The following PKP4 variants were observed in gnomAD, a reference collection of about 807,000 sequenced individuals.
PKP4 encodes plakophilin 4.
Under a neutral mutation model 145.1 loss-of-function variants are expected in PKP4, and 90 were observed. That is an observed-to-expected ratio of 0.62 (90% confidence interval 0.52 to 0.74). PKP4 has a LOEUF of 0.74. Among genes scored for constraint, PKP4 ranks in the 30% least tolerant of loss-of-function variants. The pLI, the probability that PKP4 is intolerant of heterozygous loss-of-function variation, is 0.00. For missense variants in PKP4, 1,340 were observed against 1,482.7 expected, an observed-to-expected ratio of 0.90 and a Z score of 1.58; for synonymous variants, 563 against 577.2, an observed-to-expected ratio of 0.98 and a Z score of 0.35.
chr2:158,630,026 C>T (rs1323186325), intron 7 of PKP4, among the ~76,000 whole-genome samples: 1 of 152,210 alleles, frequency 6.6e-6, no homozygotes, highest in African/African-American at 2.4e-5. Context: ...GCCACCGTGC[C>T]TGGCCAATCT....
chr2:158,528,587 GTAAC>G (rs1201819900), intron 1 of PKP4, among the ~76,000 whole-genome samples: 3 of 123,534 alleles, frequency 2.4e-5, no homozygotes, highest in Admixed American at 2.0e-4. Context: ...GTATACATAT[GTAAC>G]TAACCTGCAC....
rs1463841377 is a variant in PKP4 at position 158,526,887 on chromosome 2, T to G, written c.-5-6293T>G. 1.7e-3 allele frequency among the ~76,000 whole-genome samples: 112 copies of G among 64,046 alleles called. 3 individuals carry two copies. Among genetic ancestry groups the G allele is most frequent in the African/African-American group, 5.3e-3 (76 of 14,244 alleles). The allele number at this position is 64,046 out of a possible 152,430, so 42.0% of individuals were successfully genotyped here. A position where few individuals can be genotyped will look rare whatever the true frequency, so the allele number is the denominator to read the frequency against. ...TCATGAGTGAACTCCCATTCACAAT[T>G]GCTTCAAAGAGAATAAAATACCTAG... is the stretch of plus-strand genomic sequence containing the variant. On this transcript the variant is annotated intron_variant, in intron 1 of 21. Transcript: ENST00000389759.
rs1228680216 is a variant in PKP4 at position 158,468,767 on chromosome 2, C to CT, written c.-6+11551dup. Among the ~76,000 whole-genome samples the CT allele has an allele frequency of 1.9e-3, 141 of 73,968 alleles. 1 individual carries two copies. The highest frequency in any genetic ancestry group is 7.1e-3 in the African/African-American group (137 of 19,366). The allele number at this position is 73,968 out of a possible 152,430, so 48.5% of individuals were successfully genotyped here. ...AAATTAGACATTTTCTTTTCTTCTTCTTCTTTTTTTTTTTTTTTTTTTGAG... is the reference window on the plus strand; with the variant it reads ...AAATTAGACATTTTCTTTTCTTCTTCTTTCTTTTTTTTTTTTTTTTTTTGAG... On this transcript the variant is annotated intron_variant, in intron 1 of 21. Coordinates refer to ENST00000389759, the MANE Select transcript of PKP4 (RefSeq NM_003628.6).
chr2:158,624,946 T>C lies in PKP4; in HGVS notation c.672T>C (p.Tyr224=). The C allele has an allele frequency of 6.2e-7, 1 of 1,614,052 alleles. No homozygotes were observed. The highest frequency in any genetic ancestry group is 2.2e-5 in the East Asian group (1 of 44,882). Residue 224 remains tyrosine, a synonymous_variant, in exon 7 of 22, where the codon TAT becomes TAC. Coordinates refer to ENST00000389759, the MANE Select transcript of PKP4 (RefSeq NM_003628.6). The stretch of plus-strand genomic sequence containing the variant: ...CATCTAGAGCACAGTCTCCTTCTTA[T>C]GTTATCAGCACAGGCGTGTCTCCTT... ...SVPSRAQSPS[Y]VISTGVSPSR...
At chr2:158,584,151 C>T (rs1016554722) in intron 3 of PKP4, among the ~76,000 whole-genome samples, 4 of 152,182 alleles carry the variant, frequency 2.6e-5, no homozygotes, top group African/African-American at 7.2e-5. Flanking sequence ...GCTCCGGCTC[C>T]GAGGCCAACC....
At position 158,616,975 on chromosome 2, in the gene PKP4, C is replaced by T. The variant is rs558131475; in HGVS notation, c.281-4015C>T. Among the ~76,000 whole-genome samples the T allele has an allele frequency of 2.6e-5, 4 of 152,284 alleles. No individual in the cohort carries two copies. In the South Asian group the frequency reaches 8.3e-4, roughly 32 times the overall value. On this transcript the variant is annotated intron_variant, in intron 4 of 21. Transcript: ENST00000389759. ...ATTATAAAAAAGATAAAATATCTCA[C>T]TTTGTATTCCATCTTTTACCATGAG...
rs752795239 is a variant in PKP4 at position 158,663,392 on chromosome 2, A to G, written c.2524A>G (p.Thr842Ala). 3.1e-6 allele frequency: 5 copies of G among 1,614,116 alleles called. No homozygotes were observed. Among genetic ancestry groups the G allele is most frequent in the Non-Finnish European group, 4.2e-6 (5 of 1,179,998 alleles). The change falls in exon 15 of 22, where the codon ACC becomes GCC. Residue 842 changes from threonine to alanine, a missense_variant. By Grantham distance (58) the Thr-to-Ala change is moderately conservative. Transcript: ENST00000389759. ...TCTAGCAGAAAGTTCCAACCCAGCC[A>G]CCTTGGAAGGCTCTGCAGGGTCTCT... ...TLLAESSNPA[T>A]LEGSAGSLQN... is the part of the protein sequence containing the mutation.
At chr2:158,673,331 A>G (rs2057728698) in intron 17 of PKP4, among the ~76,000 whole-genome samples, 4 of 152,228 alleles carry the variant, frequency 2.6e-5, no homozygotes, top group Non-Finnish European at 5.9e-5. Context: ...TCATGGTTGC[A>G]TGAATCCCAA....
chr2:158,574,235 A>AT (rs1348526863), intron 2 of PKP4, among the ~76,000 whole-genome samples: 1 of 152,170 alleles, frequency 6.6e-6, no homozygotes, highest in Non-Finnish European at 1.5e-5. Flanking sequence ...CTACGAGGAA[A>AT]TTTTCATACA....
intron 11 of PKP4, among the ~76,000 whole-genome samples, chr2:158,650,594 C>T (rs2055268976): frequency 6.6e-6 from 1 of 152,202 alleles, no homozygotes; most frequent in Non-Finnish European, 1.5e-5. Context: ...CTGGAATATG[C>T]AGGCTGGGGC....
At position 158,621,129 on chromosome 2, in the gene PKP4, G is replaced by A. The variant is rs2052187598; in HGVS notation, c.412+8G>A. ...CTCTCCATGAAAGTGAGGGTCTGTT[G>A]TGTTATCTTTTAAGTACTGGATTTG... On this transcript the variant is annotated splice_region_variant and intron_variant, in intron 5 of 21. Transcript: ENST00000389759. 6.2e-7 allele frequency: 1 copy of A among 1,614,138 alleles called. No homozygotes were observed. The highest frequency in any genetic ancestry group is 2.2e-5 in the East Asian group (1 of 44,874).
At chr2:158,526,741 G>A (rs752494274) in intron 1 of PKP4, among the ~76,000 whole-genome samples, 2,657 of 77,006 alleles carry the variant, frequency 0.035, 76 homozygotes, top group Middle Eastern at 0.1. Flanking sequence ...AAACCCCATT[G>A]TCTCAGCCCA....
chr2:158,636,056 T>A (rs868205787), intron 9 of PKP4, among the ~76,000 whole-genome samples: 32 of 152,310 alleles, frequency 2.1e-4, no homozygotes, highest in African/African-American at 7.5e-4. Flanking sequence ...TGAGTTTTTT[T>A]ATAGTTGTCT....
chr2:158,563,920 T>C (rs536259178), intron 2 of PKP4, among the ~76,000 whole-genome samples: 2 of 152,250 alleles, frequency 1.3e-5, no homozygotes, highest in Admixed American at 6.5e-5. Context: ...AGCAAAAATA[T>C]CAGTTGTCCA....
chr2:158,551,887 A>G (rs897803490), intron 2 of PKP4, among the ~76,000 whole-genome samples: 1 of 152,236 alleles, frequency 6.6e-6, no homozygotes, highest in African/African-American at 2.4e-5. Context: ...TAGACAGGAT[A>G]GTCTTATTAT....
chr2:158,540,100 A>C (rs1574378223), intron 2 of PKP4, among the ~76,000 whole-genome samples: 1 of 152,232 alleles, frequency 6.6e-6, no homozygotes, highest in East Asian at 1.9e-4. Context: ...ACCTGCCTAC[A>C]TTTTCCGATA....
chr2:158,576,238 T>G (rs1472332795), intron 2 of PKP4, among the ~76,000 whole-genome samples: 7 of 152,248 alleles, frequency 4.6e-5, no homozygotes, highest in Admixed American at 4.6e-4. Flanking sequence ...AAATTTTTAA[T>G]GGCAAACGAA....
intron 2 of PKP4, among the ~76,000 whole-genome samples, chr2:158,560,046 T>C (rs1281202933): frequency 6.6e-6 from 1 of 152,124 alleles, no homozygotes; most frequent in Non-Finnish European, 1.5e-5. Context: ...TTTGTATTTT[T>C]AGTAGAGAAA....
At chr2:158,487,347 G>A (rs566556772) in intron 1 of PKP4, among the ~76,000 whole-genome samples, 45 of 152,284 alleles carry the variant, frequency 3.0e-4, no homozygotes, top group African/African-American at 1.1e-3. Context: ...ATCTTTGGAA[G>A]TGCATAATCT....
Sources: gnomAD v4.1 joint callset for allele counts (sites outside exome capture counted in the v4.1 genomes callset) on GRCh38, gnomAD v4.1.1 for gene constraint, MANE v1.5 for transcripts, NCBI Gene and HGNC (gene_info 2026-07-23, HGNC 2026-07-21) for gene names.